SPOCK1: variants seen among roughly 807,000 people sequenced by gnomAD.
SPOCK1 encodes testican-1.
A neutral mutation model predicts 55.3 loss-of-function variants in SPOCK1; 23 were observed. The ratio of observed to expected loss-of-function variants is 0.42; its 90% CI spans 0.30 to 0.59. The LOEUF (loss-of-function observed/expected upper bound fraction) is 0.59, where lower values mean the gene tolerates loss of function less well. Ranked by LOEUF, SPOCK1 falls within the 20% of genes least tolerant of loss-of-function variation. The probability of loss-of-function intolerance (pLI) is 0.22; values close to 1 mark genes in which losing one functional copy is unlikely to be tolerated. For missense variants in SPOCK1, 499 were observed against 552.5 expected (o/e 0.90, Z 0.97); for synonymous variants, 226 against 221.0 (o/e 1.02, Z -0.20).
chr5:136,990,250 T>C (rs1750922031), intron 7 of SPOCK1, among the ~76,000 whole-genome samples: 1 of 152,078 alleles, frequency 6.6e-6, no homozygotes, highest in Admixed American at 6.6e-5. Context: ...CAGAAAAGTC[T>C]TCACTGTCTA....
intron 2 of SPOCK1, among the ~76,000 whole-genome samples, chr5:137,446,782 A>G (rs1484688092): frequency 6.6e-6 from 1 of 151,992 alleles, no homozygotes; most frequent in Admixed American, 6.6e-5. Context: ...CAAAACTGAA[A>G]CCCTATACTC....
At chr5:137,476,034 GT>G (rs5871643) in intron 2 of SPOCK1, among the ~76,000 whole-genome samples, 94,109 of 147,842 alleles carry the variant, frequency 0.64, 29,842 homozygotes, top group African/African-American at 0.69. Flanking sequence ...CAAATTATAG[GT>G]TTTTTTTTTT....
chr5:137,476,716 G>C lies in SPOCK1; in HGVS notation c.186+21657C>G, dbSNP rs534944046. ...GAGGCAAGTGGATCACTTGAGGTCA[G>C]AAGTTCAACACCAGCCTGGCCAATA... On this transcript the variant is annotated intron_variant, in intron 2 of 10. Coordinates refer to ENST00000394945, the MANE Select transcript of SPOCK1 (RefSeq NM_004598.4). 3.0e-4 allele frequency among the ~76,000 whole-genome samples: 46 copies of C among 152,294 alleles called. 1 individual carries two copies. The highest frequency in any genetic ancestry group is 2.8e-3 in the Admixed American group (43 of 15,294).
At chr5:136,984,707 T>G (rs548867208) in intron 9 of SPOCK1, among the ~76,000 whole-genome samples, 18 of 152,224 alleles carry the variant, frequency 1.2e-4, no homozygotes, top group Admixed American at 2.6e-4. Flanking sequence ...CGTTCAACCC[T>G]GTTTGATAAA....
intron 6 of SPOCK1, among the ~76,000 whole-genome samples, chr5:137,058,487 G>A (rs959768555): frequency 6.6e-6 from 1 of 152,032 alleles, no homozygotes; most frequent in Non-Finnish European, 1.5e-5. Flanking sequence ...TGTATATTAT[G>A]GTACATATGT....
At chr5:137,104,593 C>T (rs1199921393) in intron 5 of SPOCK1, among the ~76,000 whole-genome samples, 3 of 152,162 alleles carry the variant, frequency 2.0e-5, no homozygotes, top group African/African-American at 7.2e-5. Flanking sequence ...GGCAAGCGAG[C>T]ATTACTGCCT....
chr5:137,180,600 C>G (rs1339282155), intron 3 of SPOCK1, among the ~76,000 whole-genome samples: 1 of 152,112 alleles, frequency 6.6e-6, no homozygotes, highest in Non-Finnish European at 1.5e-5. Flanking sequence ...ACCAGGGGGT[C>G]GTTTGATTCC....
At chr5:137,380,144 T>C (rs985115600) in intron 2 of SPOCK1, among the ~76,000 whole-genome samples, 1 of 152,194 alleles carries the variant, frequency 6.6e-6, no homozygotes, top group Non-Finnish European at 1.5e-5. Context: ...GCTCCATCTA[T>C]GGCATAATAT....
intron 3 of SPOCK1, among the ~76,000 whole-genome samples, chr5:137,250,519 C>T (rs1756488668): frequency 6.6e-6 from 1 of 151,984 alleles, no homozygotes; most frequent in South Asian, 2.1e-4. Flanking sequence ...TGTCTGAGTC[C>T]GTTCATAGAA....
chr5:137,110,436 T>C (rs1376928212), intron 5 of SPOCK1, among the ~76,000 whole-genome samples: 2 of 152,186 alleles, frequency 1.3e-5, no homozygotes, highest in Admixed American at 6.5e-5. Flanking sequence ...TTTACACACC[T>C]AGGATCTGGG....
chr5:137,169,839 A>G (rs1210254199), intron 3 of SPOCK1, among the ~76,000 whole-genome samples: 2 of 152,194 alleles, frequency 1.3e-5, no homozygotes, highest in African/African-American at 4.8e-5. Flanking sequence ...CCAGGCCAAG[A>G]TTCAAAGCTA....
intron 5 of SPOCK1, among the ~76,000 whole-genome samples, chr5:137,069,154 C>G (rs1045049009): frequency 5.3e-5 from 8 of 152,206 alleles, no homozygotes; most frequent in Non-Finnish European, 1.2e-4. Context: ...TGTAAGAGGA[C>G]AAGCTATTCA....
chr5:137,071,848 G>C (rs1159578117), intron 5 of SPOCK1, among the ~76,000 whole-genome samples: 1 of 152,100 alleles, frequency 6.6e-6, no homozygotes, highest in African/African-American at 2.4e-5. Context: ...TCTTTCTAGG[G>C]AAGAACAGAT....
rs149162225 is a variant in SPOCK1 at position 137,207,484 on chromosome 5, G to A, written c.232+59526C>T. On this transcript the variant is annotated intron_variant, in intron 3 of 10. Coordinates refer to ENST00000394945, the MANE Select transcript of SPOCK1 (RefSeq NM_004598.4). ...GCAGGAAGAGGTATAGGCTTCAGTT[G>A]CAACACTGCCCTGGGTTTCCATATG... Among the ~76,000 whole-genome samples the A allele has an allele frequency of 3.6e-3, 542 of 152,332 alleles. 5 individuals carry two copies. Among genetic ancestry groups the A allele is most frequent in the African/African-American group, 0.012 (497 of 41,576 alleles).
At chr5:136,992,794 C>A in intron 6 of SPOCK1, 194 bp from the exon 7 acceptor site, 1 of 476,564 alleles carries the variant, frequency 2.1e-6, no homozygotes, top group Non-Finnish European at 3.7e-6. Context: ...CCTAGACCCC[C>A]AGGGCAAGCA....
intron 3 of SPOCK1, among the ~76,000 whole-genome samples, chr5:137,151,230 C>T (rs1391076442): frequency 6.6e-6 from 1 of 152,092 alleles, no homozygotes; most frequent in East Asian, 1.9e-4. Context: ...TGGCCTCAAG[C>T]AGTCCACCTA....
chr5:137,159,443 A>G (rs1365128988), intron 3 of SPOCK1, among the ~76,000 whole-genome samples: 2 of 152,076 alleles, frequency 1.3e-5, no homozygotes, highest in Non-Finnish European at 2.9e-5. Flanking sequence ...CACTGTACCC[A>G]ATATGTAGTT....
chr5:137,180,876 G>GA (rs1301529727), intron 3 of SPOCK1, among the ~76,000 whole-genome samples: 9 of 152,118 alleles, frequency 5.9e-5, no homozygotes, highest in Admixed American at 3.3e-4. Flanking sequence ...TCCTCACAAT[G>GA]AAAAAATGAA....
intron 3 of SPOCK1, among the ~76,000 whole-genome samples, chr5:137,232,159 T>C (rs953665194): frequency 5.9e-5 from 9 of 152,238 alleles, no homozygotes; most frequent in African/African-American, 2.2e-4. Flanking sequence ...TTTTCACTTC[T>C]TAACAGAGTT....
Sources: gnomAD v4.1 joint callset for allele counts (sites outside exome capture counted in the v4.1 genomes callset) on GRCh38, gnomAD v4.1.1 for gene constraint, MANE v1.5 for transcripts, NCBI Gene and HGNC (gene_info 2026-07-23, HGNC 2026-07-21) for gene names.